PCDHGA3: variants seen among roughly 807,000 people sequenced by gnomAD.
The protein encoded by PCDHGA3 is protocadherin gamma subfamily A, 3.
A neutral mutation model predicts 58.5 loss-of-function variants in PCDHGA3; 40 were observed. The ratio of observed to expected loss-of-function variants is 0.68; its 90% CI spans 0.53 to 0.89. The LOEUF is 0.89. Ranked by LOEUF, PCDHGA3 falls within the 40% of genes least tolerant of loss-of-function variation. The pLI, the probability that PCDHGA3 is intolerant of heterozygous loss-of-function variation, is 0.00. For synonymous variants in PCDHGA3, 530 were observed against 525.7 expected (o/e 1.01, Z -0.11); for missense variants, 1,223 against 1,195.9 (o/e 1.02, Z -0.33).
At chr5:141,356,484 A>C (rs767625709) in intron 1 of PCDHGA3, 17 of 1,613,862 alleles carry the variant, frequency 1.1e-5, no homozygotes, top group Non-Finnish European at 1.4e-5. Flanking sequence ...CTGACCAGGG[A>C]ACTCCTCCAC....
At chr5:141,427,495 C>A in intron 1 of PCDHGA3, 2 of 562,648 alleles carry the variant, frequency 3.6e-6, no homozygotes, top group South Asian at 1.5e-5. Flanking sequence ...AAGCTTGTAA[C>A]AGATGGGACC....
chr5:141,389,324 G>A (rs1425596117), intron 1 of PCDHGA3: 2 of 1,613,848 alleles, frequency 1.2e-6, no homozygotes, highest in African/African-American at 1.3e-5. Flanking sequence ...CGGACTTGGG[G>A]CCCAACGGCC....
intron 1 of PCDHGA3, chr5:141,374,086 G>T: frequency 6.5e-7 from 1 of 1,529,104 alleles, no homozygotes. Context: ...AGCCAGTAAT[G>T]GCGCCTCCGC....
chr5:141,360,963 G>A (rs914860151), intron 1 of PCDHGA3: 8 of 1,613,778 alleles, frequency 5.0e-6, no homozygotes, highest in Non-Finnish European at 6.8e-6. Context: ...TAAACGCAGA[G>A]ATCACCTACT....
intron 1 of PCDHGA3, among the ~76,000 whole-genome samples, chr5:141,443,873 T>A (rs1250320938): frequency 6.6e-6 from 1 of 152,100 alleles, no homozygotes; most frequent in Non-Finnish European, 1.5e-5. Context: ...AAATTACTGA[T>A]AAGTCAAGAG....
At position 141,402,836 on chromosome 5, in the gene PCDHGA3, A is replaced by G. The variant is rs115293033; in HGVS notation, c.2424+56379A>G. 4.8e-4 allele frequency: 668 copies of G among 1,379,778 alleles called. 2 individuals are homozygous for G. The African/African-American group carries it at 8.5e-3, about 18-fold the overall frequency. 85.5% of individuals were successfully genotyped at this position (1,379,778 alleles called of 1,614,324 possible). On this transcript the variant is annotated intron_variant, in intron 1 of 3. Coordinates refer to ENST00000253812, the MANE Select transcript of PCDHGA3 (RefSeq NM_018916.4). ...ACAAACCTGCTCCCAGGCTGCAGCA[A>G]AACTCAGCCTCTTTCTTCTAAGGAA...
rs759346998 is a variant in PCDHGA3 at position 141,410,849 on chromosome 5, C to CTTTTTTTTTT, written c.2424+64405_2424+64414dup. ...CAGACTGAAGATATTTTGTCTTTGT[C>CTTTTTTTTTT]TTTTTTTTTTTTTTTTTTTTTTGAG... On this transcript the variant is annotated intron_variant, in intron 1 of 3. Coordinates refer to ENST00000253812, the MANE Select transcript of PCDHGA3 (RefSeq NM_018916.4). 91 of 138,162 alleles carry CTTTTTTTTTT rather than the reference C, an allele frequency of 6.6e-4. 6 individuals are homozygous for CTTTTTTTTTT. The highest frequency in any genetic ancestry group is 2.3e-3 in the African/African-American group (38 of 16,624). The allele number at this position is 138,162 out of a possible 1,614,324, so 8.6% of individuals were successfully genotyped here. A position where few individuals can be genotyped will look rare whatever the true frequency, so the allele number is the denominator to read the frequency against.
intron 1 of PCDHGA3, chr5:141,430,826 C>A: frequency 6.4e-7 from 1 of 1,550,416 alleles, no homozygotes; most frequent in Non-Finnish European, 8.7e-7. Flanking sequence ...CCTGGGGACT[C>A]TGTGGGAGAC....
intron 1 of PCDHGA3, chr5:141,389,423 C>T: frequency 1.9e-6 from 3 of 1,613,516 alleles, no homozygotes; most frequent in Admixed American, 1.7e-5. Context: ...GGGTGGTGTT[C>T]GCGCAGCGCG....
In PCDHGA3 at chr5:141,345,687, G is replaced by C. The variant is rs2879227; in HGVS notation, c.1654G>C (p.Val552Leu). 6.2e-7 allele frequency: 1 copy of C among 1,614,154 alleles called. No individual in the cohort carries two copies. Among genetic ancestry groups the C allele is most frequent in the Non-Finnish European group, 8.5e-7 (1 of 1,180,008 alleles). The change falls in exon 1 of 4, where the codon GTG becomes CTG. Residue 552 changes from valine (V) to leucine (L), a missense_variant. Around this residue, in one of 3 missense-constraint regions of PCDHGA3, gnomAD observed 791 missense variants for 708.5 expected, o/e 1.12. Coordinates refer to ENST00000253812, the MANE Select transcript of PCDHGA3 (RefSeq NM_018916.4). ...LSSNVSLNLF[V>L]LDQNDNAPEI... ...CAGCAACGTGTCGCTGAACCTGTTC[G>C]TGCTGGACCAGAACGACAACGCGCC...
chr5:141,502,468 C>A (rs1007796183), intron 2 of PCDHGA3, among the ~76,000 whole-genome samples: 6 of 151,190 alleles, frequency 4.0e-5, no homozygotes, highest in Non-Finnish European at 8.8e-5. Flanking sequence ...GGAATACTTC[C>A]CGCAGCATCA....
intron 1 of PCDHGA3, chr5:141,426,664 A>G (rs886265350): frequency 2.3e-6 from 1 of 429,248 alleles, no homozygotes; most frequent in Admixed American, 2.5e-5. Flanking sequence ...GATATAAATG[A>G]TAACCCACCT....
chr5:141,355,816 G>A, intron 1 of PCDHGA3: 5 of 1,613,166 alleles, frequency 3.1e-6, no homozygotes, highest in Non-Finnish European at 4.2e-6. Context: ...CGAGGAAGAG[G>A]CGGTTCACCA....
intron 1 of PCDHGA3, among the ~76,000 whole-genome samples, chr5:141,380,336 G>C (rs1221282125): frequency 6.6e-6 from 1 of 152,060 alleles, no homozygotes; most frequent in Non-Finnish European, 1.5e-5. Flanking sequence ...GAACTTCAAA[G>C]AACTGTTTTG....
intron 1 of PCDHGA3, chr5:141,426,796 T>C (rs1053668481): frequency 8.8e-6 from 4 of 456,720 alleles, no homozygotes. Context: ...AGTTACCAGC[T>C]CAGTTCTAAT....
chr5:141,448,543 G>C (rs1001667281), intron 1 of PCDHGA3, among the ~76,000 whole-genome samples: 3 of 151,988 alleles, frequency 2.0e-5, no homozygotes, highest in Admixed American at 6.6e-5. Context: ...CATTTCTTAT[G>C]CAAATATGTA....
intron 1 of PCDHGA3, chr5:141,405,598 T>G: frequency 1.7e-6 from 1 of 577,840 alleles, no homozygotes; most frequent in South Asian, 2.2e-5. Context: ...GCCTCCCAAG[T>G]AGAATAACTG....
chr5:141,469,553 G>A (rs989713451), intron 1 of PCDHGA3, among the ~76,000 whole-genome samples: 2 of 152,086 alleles, frequency 1.3e-5, no homozygotes, highest in African/African-American at 2.4e-5. Flanking sequence ...CCAGCCTGGC[G>A]ACAGAGTGAG....
intron 1 of PCDHGA3, among the ~76,000 whole-genome samples, chr5:141,347,718 C>T (rs1370816612): frequency 6.0e-5 from 9 of 149,548 alleles, no homozygotes; most frequent in Non-Finnish European, 1.0e-4. Context: ...ACCCAGGAGG[C>T]AGAAGTTGCA....
Sources: gnomAD v4.1 joint callset for allele counts (sites outside exome capture counted in the v4.1 genomes callset) on GRCh38, gnomAD v4.1.1 for gene constraint, gnomAD v4.1.1 regional missense constraint, MANE v1.5 for transcripts, NCBI Gene and HGNC (gene_info 2026-07-23, HGNC 2026-07-21) for gene names.